PHEX: variants seen among roughly 807,000 people sequenced by gnomAD.
PHEX encodes the protein phosphate-regulating neutral endopeptidase PHEX.
In PHEX, 16 loss-of-function variants were observed where a neutral mutation model predicts 68.0. The ratio of observed to expected loss-of-function variants is 0.24; its 90% CI spans 0.16 to 0.36. The LOEUF (loss-of-function observed/expected upper bound fraction) is 0.36. Ranked by LOEUF, PHEX falls within the 10% of genes least tolerant of loss-of-function variation. PHEX has a pLI of 1.00. For synonymous variants in PHEX, 208 were observed against 205.1 expected, an observed-to-expected ratio of 1.01 and a Z score of -0.12; for missense variants, 480 against 575.5, an observed-to-expected ratio of 0.83 and a Z score of 1.70.
intron 5 of PHEX, among the ~76,000 whole-genome samples, chrX:22,084,340 TC>T (rs1354901680): frequency 3.0e-4 from 33 of 111,334 alleles, no homozygotes; most frequent in African/African-American, 9.8e-4. Context: ...CCTGGATTAA[TC>T]CCACTCAATC....
At chrX:22,126,626 G>C (rs911819848) in intron 11 of PHEX, among the ~76,000 whole-genome samples, 9 of 111,189 alleles carry the variant, frequency 8.1e-5, no homozygotes, top group Admixed American at 9.6e-5. Flanking sequence ...TAAGATAGGA[G>C]CATCTCATTA....
chrX:22,106,621 A>C (rs1930703106), intron 9 of PHEX, among the ~76,000 whole-genome samples: 1 of 110,550 alleles, frequency 9.0e-6, no homozygotes, highest in Admixed American at 9.6e-5. Flanking sequence ...AATACAAAAA[A>C]AAATGTGCTG....
intron 20 of PHEX, among the ~76,000 whole-genome samples, chrX:22,238,006 C>G (rs1488547658): frequency 8.9e-6 from 1 of 112,523 alleles, no homozygotes; most frequent in Non-Finnish European, 1.9e-5. Context: ...GGGTTTTGGG[C>G]CGGGCATGGC....
chrX:22,121,186 G>C (rs1045695299), intron 11 of PHEX, among the ~76,000 whole-genome samples: 1 of 112,277 alleles, frequency 8.9e-6, no homozygotes, highest in African/African-American at 3.2e-5. Flanking sequence ...TATTGCAAGA[G>C]GTGTCAAGTC....
chrX:22,210,270 C>G (rs916984415), intron 15 of PHEX, among the ~76,000 whole-genome samples: 1 of 112,051 alleles, frequency 8.9e-6, no homozygotes, highest in Non-Finnish European at 1.9e-5. Flanking sequence ...TCAGCAGATA[C>G]AGCTGAACAG....
At chrX:22,109,756 T>C (rs1471852398) in intron 9 of PHEX, among the ~76,000 whole-genome samples, 1 of 112,019 alleles carries the variant, frequency 8.9e-6, no homozygotes, top group African/African-American at 3.2e-5. Flanking sequence ...CACACATTCT[T>C]CTGAGGTCAG....
At chrX:22,160,695 A>C (rs375274521) in intron 12 of PHEX, among the ~76,000 whole-genome samples, 48 of 111,584 alleles carry the variant, frequency 4.3e-4, no homozygotes, top group African/African-American at 1.4e-3. Context: ...ATTACCTCCC[A>C]CTGGGTCTCT....
chrX:22,230,212 T>TC (rs1935666082), intron 20 of PHEX, among the ~76,000 whole-genome samples: 1 of 104,836 alleles, frequency 9.5e-6, no homozygotes, highest in Non-Finnish European at 2.0e-5. Flanking sequence ...CTTAGGATTG[T>TC]TTTGGCTATA....
intron 8 of PHEX, among the ~76,000 whole-genome samples, chrX:22,097,427 T>A (rs1049405082): frequency 2.7e-5 from 3 of 112,254 alleles, no homozygotes; most frequent in South Asian, 7.5e-4. Context: ...AAGGTATCCA[T>A]CACAGCTCCA....
Position 22,080,730 on chromosome X carries a change from C to CAA in PHEX, c.663+3035_663+3036dup, listed in dbSNP as rs376410869. On this transcript the variant is annotated intron_variant, in intron 5 of 21. Coordinates refer to ENST00000379374, the MANE Select transcript of PHEX (RefSeq NM_000444.6). ...ACTACTGGTATAGTTAAAAAACAAA[C>CAA]AAAAAAAATAATAGGCTTTGGTATT... 2.1e-3 allele frequency among the ~76,000 whole-genome samples: 153 copies of CAA among 73,009 alleles called. 1 individual carries two copies. Among genetic ancestry groups the CAA allele is most frequent in the African/African-American group, 8.4e-3 (143 of 16,969 alleles). 63.4% of individuals were successfully genotyped at this position (73,009 alleles called of 115,157 possible). A position where few individuals can be genotyped will look rare whatever the true frequency, so the allele number is the denominator to read the frequency against.
chrX:22,046,857 G>C (rs778469416), intron 2 of PHEX, among the ~76,000 whole-genome samples, 193 bp from the exon 3 acceptor site: 3 of 111,529 alleles, frequency 2.7e-5, no homozygotes, highest in African/African-American at 9.8e-5. Context: ...ATGAGCCCTT[G>C]CACCCGGCCT....
At chrX:22,132,015 G>T (rs1038078185) in intron 11 of PHEX, among the ~76,000 whole-genome samples, 1 of 112,272 alleles carries the variant, frequency 8.9e-6, no homozygotes, top group Non-Finnish European at 1.9e-5. Context: ...CACTATGGGT[G>T]TGGCCTCACT....
intron 16 of PHEX, among the ~76,000 whole-genome samples, chrX:22,214,617 T>C (rs969621630): frequency 1.8e-5 from 2 of 111,585 alleles, no homozygotes; most frequent in African/African-American, 6.5e-5. Context: ...CAACTCACCT[T>C]CCATCATTGA....
At chrX:22,039,865 G>A (rs760965180) in intron 2 of PHEX, among the ~76,000 whole-genome samples, 1 of 111,846 alleles carries the variant, frequency 8.9e-6, no homozygotes, top group Admixed American at 9.5e-5. Flanking sequence ...GAGCCCAGGA[G>A]GCGGAGGCTG....
At chrX:22,078,677 A>G (rs1038503585) in intron 5 of PHEX, among the ~76,000 whole-genome samples, 2 of 111,911 alleles carry the variant, frequency 1.8e-5, no homozygotes, top group Non-Finnish European at 3.8e-5. Flanking sequence ...CAGATAATAC[A>G]TATTTTAGGG....
intron 12 of PHEX, among the ~76,000 whole-genome samples, chrX:22,147,454 A>G (rs1932748635): frequency 9.0e-6 from 1 of 110,919 alleles, no homozygotes; most frequent in African/African-American, 3.3e-5. Context: ...TCAGTTGTAC[A>G]GGAATGTCAT....
In PHEX at chrX:22,033,036, A is replaced by G; in HGVS notation, c.31A>G (p.Thr11Ala). The G allele has an allele frequency of 8.3e-7, 1 of 1,208,738 alleles. No individual in the cohort carries two copies. Among genetic ancestry groups the G allele is most frequent in the Non-Finnish European group, 1.1e-6 (1 of 893,687 alleles). Reference protein sequence around the residue: MEAETGSSVETGKKANRGTRI... With the variant: MEAETGSSVEAGKKANRGTRI... The stretch of plus-strand genomic sequence containing the variant: ...AGCAGAAACAGGGAGCAGCGTGGAG[A>G]CTGGAAAGAAGGCCAACAGAGGCAC... Residue 11 changes from threonine to alanine, a missense_variant, in exon 1 of 22, where the codon ACT becomes GCT. By Grantham distance (58) the Thr-to-Ala change is moderately conservative. Transcript: ENST00000379374.
At position 22,227,621 on chromosome X, in the gene PHEX, C is replaced by G. The variant is rs1014776047; in HGVS notation, c.2070+10C>G. 1 of 1,113,373 alleles carries G rather than the reference C, an allele frequency of 9.0e-7. No individual in the cohort carries two copies. The highest frequency in any genetic ancestry group is 1.2e-6 in the Non-Finnish European group (1 of 805,788). 91.8% of individuals were successfully genotyped at this position (1,113,373 alleles called of 1,213,427 possible). On this transcript the variant is annotated intron_variant, in intron 20 of 21. Coordinates refer to ENST00000379374, the MANE Select transcript of PHEX (RefSeq NM_000444.6). ...CCTGAGTTATGCTCATGTGAGTAGA[C>G]TGAGGAAGGGGCATCAGGGATGAGA...
intron 6 of PHEX, among the ~76,000 whole-genome samples, chrX:22,092,134 A>G (rs777526127): frequency 9.0e-6 from 1 of 111,633 alleles, no homozygotes; most frequent in Admixed American, 9.5e-5. Context: ...CTATGTCCCC[A>G]GTTTCTCCGG....
Sources: allele counts gnomAD v4.1 joint callset (sites outside exome capture counted in the v4.1 genomes callset), GRCh38; gene constraint gnomAD v4.1.1; transcripts MANE v1.5; gene names NCBI Gene and HGNC (gene_info 2026-07-23, HGNC 2026-07-21).